Variants in HS1BP3 observed in about 807,000 individuals in gnomAD.
HS1BP3 encodes HCLS1-binding protein 3.
In HS1BP3, 32 loss-of-function variants were observed where a neutral mutation model predicts 33.5. The observed-to-expected ratio is 0.95, with a 90% CI of 0.72 to 1.28. The LOEUF is 1.28. Ranked by LOEUF, HS1BP3 falls within the 50% of genes most tolerant of loss-of-function variation. HS1BP3 has a pLI of 0.00. For synonymous variants in HS1BP3, 187 were observed against 209.2 expected, an observed-to-expected ratio of 0.89 and a Z score of 0.92; for missense variants, 486 against 502.3, an observed-to-expected ratio of 0.97 and a Z score of 0.31.
chr2:20,585,662 T>C (rs62124226), intron 5 of HS1BP3, among the ~76,000 whole-genome samples: 11,822 of 152,250 alleles, frequency 0.078, 627 homozygotes, highest in African/African-American at 0.15. Context: ...ACCGAGAAGC[T>C]GCTATCTCCA....
chr2:20,579,171 G>A (rs568274418), intron 5 of HS1BP3, among the ~76,000 whole-genome samples: 1 of 152,380 alleles, frequency 6.6e-6, no homozygotes, highest in South Asian at 2.1e-4. Flanking sequence ...GACACGTGCT[G>A]TGTCCAGAGA....
intron 5 of HS1BP3, among the ~76,000 whole-genome samples, chr2:20,580,769 G>A (rs1176406709): frequency 6.6e-6 from 1 of 152,172 alleles, no homozygotes; most frequent in Non-Finnish European, 1.5e-5. Context: ...GACAAAGAAA[G>A]TGGGGGTAAA....
At chr2:20,556,279 T>C (rs535449180), downstream of HS1BP3, among the ~76,000 whole-genome samples, 1 of 152,354 alleles carries the variant, frequency 6.6e-6, no homozygotes, top group African/African-American at 2.4e-5. Context: ...TTTTTAGCTC[T>C]TTTAGTTATC....
At chr2:20,570,898 C>G (rs1017927128) in intron 5 of HS1BP3, among the ~76,000 whole-genome samples, 2 of 152,132 alleles carry the variant, frequency 1.3e-5, no homozygotes, top group Admixed American at 6.5e-5. Flanking sequence ...GCCAGAAAGC[C>G]CTGGGCAGGG....
intron 4 of HS1BP3, chr2:20,635,129 C>T (rs1361813599): frequency 3.3e-5 from 5 of 152,202 alleles, no homozygotes; most frequent in African/African-American, 1.2e-4. Flanking sequence ...GGAATGGTAC[C>T]CCAAAGCCCC....
intron 6 of HS1BP3, chr2:20,622,033 A>G (rs972604505): frequency 3.9e-5 from 17 of 436,412 alleles, no homozygotes; most frequent in Non-Finnish European, 6.1e-5. Flanking sequence ...TCACCTAAAC[A>G]TCTAGACTAG....
intron 4 of HS1BP3, chr2:20,636,070 C>T (rs972275272): frequency 2.0e-5 from 3 of 152,232 alleles, no homozygotes; most frequent in Non-Finnish European, 2.9e-5. Flanking sequence ...CAGAGCTAAG[C>T]CCAGACATGG....
chr2:20,632,626 A>C (rs1695003315), intron 4 of HS1BP3, among the ~76,000 whole-genome samples: 1 of 152,196 alleles, frequency 6.6e-6, no homozygotes, highest in South Asian at 2.1e-4. Context: ...GAGTGTTGTT[A>C]CTTGCCAGAA....
intron 2 of HS1BP3, among the ~76,000 whole-genome samples, chr2:20,609,345 G>C (rs1389949607): frequency 6.6e-6 from 1 of 152,216 alleles, no homozygotes; most frequent in African/African-American, 2.4e-5. Context: ...AAGGGGTCCT[G>C]GTGGAGACCT....
intron 2 of HS1BP3, among the ~76,000 whole-genome samples, chr2:20,612,516 T>C (rs1694337488): frequency 6.6e-6 from 1 of 152,218 alleles, no homozygotes; most frequent in Non-Finnish European, 1.5e-5. Flanking sequence ...TTAATCTTTC[T>C]GTCTCTGTAG....
intron 2 of HS1BP3, among the ~76,000 whole-genome samples, chr2:20,608,361 G>C (rs1270686283): frequency 1.3e-5 from 2 of 151,970 alleles, no homozygotes; most frequent in South Asian, 4.1e-4. Flanking sequence ...GATCACCTGA[G>C]GTTGGGAGTT....
At chr2:20,553,916 T>C in the HS1BP3 span, among the ~76,000 whole-genome samples, 4 of 152,206 alleles carry the variant, frequency 2.6e-5, no homozygotes, top group Non-Finnish European at 4.4e-5. Context: ...TGCTGTGGTT[T>C]TGAGGATTCT....
At chr2:20,569,935 C>T (rs780054026) in intron 5 of HS1BP3, among the ~76,000 whole-genome samples, 7 of 152,254 alleles carry the variant, frequency 4.6e-5, no homozygotes, top group Non-Finnish European at 8.8e-5. Flanking sequence ...GGGATCAGGA[C>T]CCTCTGCCTG....
At chr2:20,628,689 G>C (rs1047991357) in intron 4 of HS1BP3, among the ~76,000 whole-genome samples, 2 of 152,010 alleles carry the variant, frequency 1.3e-5, no homozygotes, top group Admixed American at 6.5e-5. Context: ...GCTCTGTCAC[G>C]GCAGAGCACA....
intron 5 of HS1BP3, among the ~76,000 whole-genome samples, chr2:20,575,973 C>A (rs1693390203): frequency 1.3e-5 from 2 of 151,846 alleles, no homozygotes; most frequent in African/African-American, 4.9e-5. Flanking sequence ...CCTGTCCCAC[C>A]CATTTCCATC....
intron 2 of HS1BP3, among the ~76,000 whole-genome samples, chr2:20,602,661 T>C (rs1694095039): frequency 6.6e-6 from 1 of 152,160 alleles, no homozygotes; most frequent in African/African-American, 2.4e-5. Context: ...CTATGTTAAA[T>C]ATTGTTTTTA....
intron 1 of HS1BP3, among the ~76,000 whole-genome samples, chr2:20,650,318 C>T (rs1174956906): frequency 6.6e-6 from 1 of 152,180 alleles, no homozygotes; most frequent in Non-Finnish European, 1.5e-5. Flanking sequence ...GTTTTAAAGG[C>T]GGAAAGAAGT....
Position 20,638,606 on chromosome 2 carries a change from A to G in HS1BP3, c.453T>C (p.Ser151=). Residue 151 remains serine (S), a synonymous_variant, in exon 4 of 7, where the codon TCT becomes TCC. Transcript: ENST00000304031. The stretch of plus-strand genomic sequence containing the variant: ...TCTGACTGTCTGTGCCATCCAGGAC[A>G]GAGGAATCTCTGCTGGTGAGCCCTG... ...GAAGLTSRDS[S]VLDGTDSQTG... 1 of 1,614,218 alleles carries G rather than the reference A, an allele frequency of 6.2e-7. No homozygotes were observed. Among genetic ancestry groups the G allele is most frequent in the Non-Finnish European group, 8.5e-7 (1 of 1,180,024 alleles).
At chr2:20,588,609 G>A (rs1013382790), downstream of HS1BP3, among the ~76,000 whole-genome samples, 1 of 152,140 alleles carries the variant, frequency 6.6e-6, no homozygotes, top group Non-Finnish European at 1.5e-5. Flanking sequence ...TTACACAGGT[G>A]AACCACCACG....
Sources: allele counts gnomAD v4.1 joint callset (sites outside exome capture counted in the v4.1 genomes callset), GRCh38; gene constraint gnomAD v4.1.1; transcripts MANE v1.5; gene names NCBI Gene and HGNC (gene_info 2026-07-23, HGNC 2026-07-21).